HDAC9: variants seen among roughly 807,000 people sequenced by gnomAD.
HDAC9 encodes the protein histone deacetylase 9, also known as MEF-2 interacting transcription repressor (MITR) protein.
A neutral mutation model predicts 139.4 loss-of-function variants in HDAC9; 41 were observed. The observed-to-expected ratio is 0.29, with a 90% confidence interval of 0.23 to 0.38. The LOEUF (loss-of-function observed/expected upper bound fraction) is 0.38, where lower values mean the gene tolerates loss of function less well. Among genes scored for constraint, HDAC9 ranks in the 10% least tolerant of loss-of-function variants. HDAC9 has a pLI of 1.00. For synonymous variants in HDAC9, 517 were observed against 476.2 expected (o/e 1.09, Z -1.12); for missense variants, 1,147 against 1,297.0 (o/e 0.88, Z 1.78).
At chr7:18,496,482 T>A in intron 2 of HDAC9, 158 bp downstream of exon 2, 1 of 620,268 alleles carries the variant, frequency 1.6e-6, no homozygotes. Context: ...TTAGATCCCT[T>A]CCATTACTGT....
intron 1 of HDAC9, among the ~76,000 whole-genome samples, chr7:18,394,642 G>A (rs1786854734): frequency 6.6e-6 from 1 of 152,016 alleles, no homozygotes; most frequent in Admixed American, 6.6e-5. Context: ...AGTTTCACAA[G>A]TTATTTTAAA....
intron 12 of HDAC9, among the ~76,000 whole-genome samples, chr7:18,674,063 G>A (rs1314157619): frequency 6.6e-6 from 1 of 151,878 alleles, no homozygotes; most frequent in Non-Finnish European, 1.5e-5. Context: ...TTAGACAGTG[G>A]GATAGATGAT....
At chr7:18,171,767 G>C (rs1202083734) in intron 2 of HDAC9, among the ~76,000 whole-genome samples, 3 of 152,160 alleles carry the variant, frequency 2.0e-5, no homozygotes, top group Non-Finnish European at 4.4e-5. Context: ...TCCGTATGTT[G>C]AACCAGCCTT....
chr7:18,687,040 T>G lies in HDAC9; in HGVS notation c.1731+20564T>G, dbSNP rs114043448. 9.1e-3 allele frequency among the ~76,000 whole-genome samples: 1,377 copies of G among 151,972 alleles called. 20 individuals are homozygous for G. The highest frequency in any genetic ancestry group is 0.031 in the African/African-American group (1,306 of 41,522). On this transcript the variant is annotated intron_variant, in intron 12 of 25. Transcript: ENST00000686413. Reference sequence around the variant, plus strand: ...CTACATGATAGGAACAGATACAGTATGCTTTGAGAGTTCATATTTTTATAA... The same window carrying G: ...CTACATGATAGGAACAGATACAGTAGGCTTTGAGAGTTCATATTTTTATAA...
At chr7:18,624,939 A>T (rs1366581968) in intron 6 of HDAC9, among the ~76,000 whole-genome samples, 4 of 152,032 alleles carry the variant, frequency 2.6e-5, no homozygotes, top group African/African-American at 9.7e-5. Flanking sequence ...AACATTAAGT[A>T]GGGGCCTTTC....
intron 12 of HDAC9, chr7:18,668,518 A>G: frequency 1.0e-6 from 1 of 979,734 alleles, no homozygotes; most frequent in Non-Finnish European, 1.2e-6. Flanking sequence ...CTTCAAAGAT[A>G]TGTAATCACA....
chr7:18,700,151 C>T (rs988102213), intron 12 of HDAC9, among the ~76,000 whole-genome samples: 15 of 152,178 alleles, frequency 9.9e-5, no homozygotes, highest in African/African-American at 2.6e-4. Flanking sequence ...GGAGAGGTAA[C>T]GATTCTAAAG....
intron 1 of HDAC9, among the ~76,000 whole-genome samples, chr7:18,469,503 A>G (rs544851621): frequency 1.3e-5 from 2 of 152,294 alleles, no homozygotes; most frequent in South Asian, 2.1e-4. Context: ...TTAAATGGTG[A>G]CACATCTAAC....
intron 1 of HDAC9, among the ~76,000 whole-genome samples, chr7:18,397,678 G>T (rs529509030): frequency 6.6e-6 from 1 of 152,220 alleles, no homozygotes; most frequent in South Asian, 2.1e-4. Context: ...TAAAATATAA[G>T]TGATTTTTAA....
intron 1 of HDAC9, among the ~76,000 whole-genome samples, chr7:18,356,033 T>C (rs1783235384): frequency 6.6e-6 from 1 of 152,170 alleles, no homozygotes; most frequent in African/African-American, 2.4e-5. Context: ...TTTGAAATCA[T>C]TGAATTGTAC....
chr7:18,282,067 C>T (rs534223013), intron 2 of HDAC9, among the ~76,000 whole-genome samples: 13 of 152,176 alleles, frequency 8.5e-5, no homozygotes, highest in Admixed American at 2.6e-4. Context: ...CTGAATAAGC[C>T]TGCAGCTACT....
At chr7:18,715,518 C>G (rs929821878) in intron 12 of HDAC9, among the ~76,000 whole-genome samples, 2 of 151,994 alleles carry the variant, frequency 1.3e-5, no homozygotes, top group African/African-American at 4.8e-5. Context: ...GCAATTGGGT[C>G]TAGACGCCAG....
intron 23 of HDAC9, chr7:18,949,603 G>T: frequency 5.5e-6 from 1 of 181,308 alleles, no homozygotes; most frequent in East Asian, 1.5e-4. Context: ...ATTCATCATA[G>T]GTACCAGCTC....
chr7:18,164,243 A>G (rs901720720), intron 2 of HDAC9, among the ~76,000 whole-genome samples: 1 of 152,188 alleles, frequency 6.6e-6, no homozygotes, highest in Non-Finnish European at 1.5e-5. Context: ...GTAAAAAACC[A>G]TGATCAGAGA....
intron 21 of HDAC9, among the ~76,000 whole-genome samples, chr7:18,869,824 A>T (rs1798781115): frequency 6.6e-6 from 1 of 151,766 alleles, no homozygotes; most frequent in African/African-American, 2.4e-5. Context: ...AGTGTCTCTC[A>T]TCTCTTCTGT....
At chr7:18,496,153 C>A in intron 1 of HDAC9, 109 bp from the exon 2 acceptor site, 1 of 1,412,152 alleles carries the variant, frequency 7.1e-7, no homozygotes, top group Non-Finnish European at 9.8e-7. Flanking sequence ...GCGAGGGTAG[C>A]TCCTGGGGCC....
rs553235817 is a variant in HDAC9 at position 18,846,229 on chromosome 7, C to T, written c.2684+10232C>T. ...GAAGCAGTATCACCATATCACTCACCGACTCCTCAGAAGTTGGCTCTGGAA... is the reference window on the plus strand; with the variant it reads ...GAAGCAGTATCACCATATCACTCACTGACTCCTCAGAAGTTGGCTCTGGAA... On this transcript the variant is annotated intron_variant, in intron 21 of 25. Transcript: ENST00000686413. 2.6e-5 allele frequency among the ~76,000 whole-genome samples: 4 copies of T among 152,060 alleles called. No homozygotes were observed. The East Asian group carries it at 7.7e-4, about 29-fold the overall frequency.
chr7:18,716,894 C>G (rs909122338), intron 12 of HDAC9, among the ~76,000 whole-genome samples: 1 of 151,798 alleles, frequency 6.6e-6, no homozygotes, highest in Non-Finnish European at 1.5e-5. Context: ...ATTCAGCTAC[C>G]AACAGTCCTG....
chr7:18,456,963 C>T (rs1793406619), intron 1 of HDAC9, among the ~76,000 whole-genome samples: 1 of 152,102 alleles, frequency 6.6e-6, no homozygotes, highest in Non-Finnish European at 1.5e-5. Context: ...TCGGGAGTCA[C>T]ACATAGTTTT....
Sources: allele counts gnomAD v4.1 joint callset (sites outside exome capture counted in the v4.1 genomes callset), GRCh38; gene constraint gnomAD v4.1.1; transcripts MANE v1.5; gene names NCBI Gene and HGNC (gene_info 2026-07-23, HGNC 2026-07-21).